GATA4: variants seen among roughly 807,000 people sequenced by gnomAD.
The protein encoded by GATA4 is GATA binding protein 4, also known as transcription factor GATA-4.
In GATA4, 7 loss-of-function variants were observed where a neutral mutation model predicts 37.9. That is an observed-to-expected ratio of 0.18 (90% confidence interval 0.11 to 0.35). The LOEUF (loss-of-function observed/expected upper bound fraction) is 0.35, where lower values mean the gene tolerates loss of function less well. Ranked by LOEUF, GATA4 falls within the 10% of genes least tolerant of loss-of-function variation. The pLI is 1.00. For synonymous variants in GATA4, 372 were observed against 292.6 expected (o/e 1.27, Z -2.77); for missense variants, 647 against 653.0 (o/e 0.99, Z 0.10).
At chr8:11,680,602 C>T in intron 1 of GATA4, 1 of 985,322 alleles carries the variant, frequency 1.0e-6, no homozygotes. Flanking sequence ...CGGGTCCGAG[C>T]GGCGGTCGGT....
Position 11,742,785 on chromosome 8 carries a change from C to T in GATA4, c.617-6131C>T, listed in dbSNP as rs188734845. 2.7e-3 allele frequency among the ~76,000 whole-genome samples: 416 copies of T among 152,358 alleles called. 9 individuals are homozygous for T. Among genetic ancestry groups the T allele is most frequent in the Non-Finnish European group, 5.7e-4 (39 of 68,032 alleles). Reference sequence around the variant, plus strand: ...TTGGGCCTCGTGCCCCACACCCAGGCGCCAGCCGCAGGGACAGATCCGGGC... The same window carrying T: ...TTGGGCCTCGTGCCCCACACCCAGGTGCCAGCCGCAGGGACAGATCCGGGC... On this transcript the variant is annotated intron_variant, in intron 2 of 6. Transcript: ENST00000532059.
intron 1 of GATA4, chr8:11,697,570 T>A (rs942432249): frequency 7.2e-5 from 71 of 985,166 alleles, no homozygotes; most frequent in Non-Finnish European, 8.4e-5. Context: ...CAGGGAAGCC[T>A]GGTCTGTCTG....
intron 1 of GATA4, chr8:11,692,774 G>T (rs1302359130): frequency 1.0e-6 from 1 of 982,560 alleles, no homozygotes; most frequent in Non-Finnish European, 1.2e-6. Flanking sequence ...GGCGGGAAGC[G>T]AGGCTGCCGA....
rs577041742 is a variant in GATA4, at chr8:11,707,309, T to C, written c.-457-547T>C. 3.5e-4 allele frequency among the ~76,000 whole-genome samples: 51 copies of C among 145,968 alleles called. No individual in the cohort carries two copies. The highest frequency in any genetic ancestry group is 7.0e-4 in the Non-Finnish European group (47 of 67,476). On this transcript the variant is annotated intron_variant, in intron 1 of 6. Coordinates refer to ENST00000532059, the MANE Select transcript of GATA4 (RefSeq NM_001308093.3). The surrounding 1 kb of genome is among the most constrained non-coding windows in gnomAD (Gnocchi z 4.7). Reference sequence around the variant, plus strand: ...TGTTCACTTATAAACATTTGGACTCTACTTCTGGTTTTTTTTTTTTTTAAT... The same window carrying C: ...TGTTCACTTATAAACATTTGGACTCCACTTCTGGTTTTTTTTTTTTTTAAT...
Position 11,749,186 on chromosome 8 carries a change from A to T in GATA4, c.786+101A>T. ...TGAATTTTGGAACTTGAGGGTGTGC[A>T]TCGGGGATTACGTGGGTGAGAGCCC... On this transcript the variant is annotated intron_variant, in intron 3 of 6. Transcript: ENST00000532059. This position sits in a 1 kb window ranked among gnomAD's most constrained non-coding sequence, Gnocchi z 4.6. The T allele has an allele frequency of 8.4e-7, 1 of 1,190,420 alleles. No individual in the cohort carries two copies. The highest frequency in any genetic ancestry group is 1.3e-5 in the South Asian group (1 of 77,864). 73.7% of individuals were successfully genotyped at this position (1,190,420 alleles called of 1,614,324 possible).
chr8:11,755,883 T>A (rs56700770), intron 5 of GATA4, among the ~76,000 whole-genome samples: 6,022 of 149,892 alleles, frequency 0.04, 271 homozygotes, highest in East Asian at 0.15. Flanking sequence ...CACTTCAGCC[T>A]GGAGAGCAGA....
Position 11,757,080 on chromosome 8 carries a change from C to A in GATA4, c.1146C>A (p.Ser382=), listed in dbSNP as rs1802619689. Residue 382 remains serine (S), a synonymous_variant, in exon 6 of 7, where the codon TCC becomes TCA. Transcript: ENST00000532059. ...SSHYGHSSSV[S]QTFSVSAMSG... Reference sequence around the variant, plus strand: ...ACTACGGGCACAGCAGCTCCGTGTCCCAGGTACGCGCCATGGCTGGGGCGC... The same window carrying A: ...ACTACGGGCACAGCAGCTCCGTGTCACAGGTACGCGCCATGGCTGGGGCGC... 3 of 1,613,972 alleles carry A rather than the reference C, an allele frequency of 1.9e-6. No individual in the cohort carries two copies. The highest frequency in any genetic ancestry group is 2.5e-6 in the Non-Finnish European group (3 of 1,179,878).
At chr8:11,728,393 G>C (rs796682805) in intron 2 of GATA4, among the ~76,000 whole-genome samples, 13 of 152,158 alleles carry the variant, frequency 8.5e-5, no homozygotes, top group East Asian at 3.9e-4. Context: ...TTTTGAAACA[G>C]GGTTTTGCTC....
intron 1 of GATA4, among the ~76,000 whole-genome samples, chr8:11,696,221 G>A (rs530543990): frequency 6.6e-6 from 1 of 152,262 alleles, no homozygotes; most frequent in Admixed American, 6.5e-5. Flanking sequence ...ACCATCACAA[G>A]ATATGAGAAT....
At chr8:11,695,103 C>T (rs1799465370) in intron 1 of GATA4, among the ~76,000 whole-genome samples, 1 of 152,208 alleles carries the variant, frequency 6.6e-6, no homozygotes. Context: ...TGGAAATTGA[C>T]TTAAGAATGA....
upstream of GATA4, among the ~76,000 whole-genome samples, chr8:11,699,795 T>C (rs946835853): frequency 1.0e-4 from 16 of 152,382 alleles, no homozygotes; most frequent in African/African-American, 3.4e-4. Context: ...TCCTTTCCAC[T>C]TTTTTCCCTC....
chr8:11,709,354 C>T lies in GATA4; in HGVS notation c.616+426C>T, dbSNP rs962146863. On this transcript the variant is annotated intron_variant, in intron 2 of 6. Coordinates refer to ENST00000532059, the MANE Select transcript of GATA4 (RefSeq NM_001308093.3). This position sits in a 1 kb window ranked among gnomAD's most constrained non-coding sequence, Gnocchi z 4.3. ...TCCTCCCCGCCCGCCCTCGGGCCTC[C>T]GCAGGGAACTGATTACAATGGTTTG... 6.6e-6 allele frequency among the ~76,000 whole-genome samples: 1 copy of T among 152,214 alleles called. No homozygotes were observed. The highest frequency in any genetic ancestry group is 1.5e-5 in the Non-Finnish European group (1 of 68,042).
chr8:11,697,601 G>GCCA, intron 1 of GATA4: 1 of 985,430 alleles, frequency 1.0e-6, no homozygotes, highest in Middle Eastern at 5.2e-4. Context: ...CGCCTGCGCC[G>GCCA]AGGATGGCCG....
At chr8:11,682,781 G>T (rs531830323) in intron 1 of GATA4, among the ~76,000 whole-genome samples, 63 of 152,280 alleles carry the variant, frequency 4.1e-4, no homozygotes, top group Non-Finnish European at 8.5e-4. Context: ...AGTAGTCCCC[G>T]TTTGTGCAAA....
intron 5 of GATA4, chr8:11,756,723 A>C (rs943991772): frequency 1.6e-6 from 1 of 628,184 alleles, no homozygotes. Flanking sequence ...GAAGCCTGAA[A>C]CACACGTGGC....
chr8:11,696,500 C>T (rs1013952472), intron 1 of GATA4, among the ~76,000 whole-genome samples: 2 of 151,996 alleles, frequency 1.3e-5, no homozygotes, highest in Non-Finnish European at 2.9e-5. Flanking sequence ...CTCAGTTTAC[C>T]TATTCCCCTG....
In GATA4 at chr8:11,708,022, G is replaced by A. The variant is rs987075941; in HGVS notation, c.-291G>A. The stretch of plus-strand genomic sequence containing the variant: ...GTCTTCTGCCCCCAATAGGTGCGCC[G>A]GACCTTCAGGCCCTGGGGTGAATTC... On this transcript the variant is annotated 5_prime_UTR_variant, in exon 2 of 7. Transcript: ENST00000532059. The surrounding 1 kb of genome is among the most constrained non-coding windows in gnomAD (Gnocchi z 6.7). 4.4e-6 allele frequency: 2 copies of A among 458,056 alleles called. No individual in the cohort carries two copies. The highest frequency in any genetic ancestry group is 4.1e-6 in the Non-Finnish European group (1 of 246,684). The allele number at this position is 458,056 out of a possible 1,614,324, so 28.4% of individuals were successfully genotyped here.
At position 11,708,394 on chromosome 8, in the gene GATA4, C is replaced by G. The variant is rs1406275331; in HGVS notation, c.82C>G (p.His28Asp). 2 of 1,545,488 alleles carry G rather than the reference C, an allele frequency of 1.3e-6. No homozygotes were observed. Among genetic ancestry groups the G allele is most frequent in the Non-Finnish European group, 1.7e-6 (2 of 1,152,472 alleles). ...YEAGGPGAFMHGAGAASSPVY... is the reference protein window; with the variant it reads ...YEAGGPGAFMDGAGAASSPVY... ...GGCGGGCGGCCCCGGCGCCTTCATGCACGGCGCGGGCGCCGCGTCCTCGCC... is the reference window on the plus strand; with the variant it reads ...GGCGGGCGGCCCCGGCGCCTTCATGGACGGCGCGGGCGCCGCGTCCTCGCC... The change falls in exon 2 of 7, where the codon CAC (histidine) becomes GAC (aspartate). Residue 28 changes from histidine (H) to aspartate (D), a missense_variant. By Grantham distance (81) the His-to-Asp change is moderately conservative (BLOSUM62 -1). Coordinates refer to ENST00000532059, the MANE Select transcript of GATA4 (RefSeq NM_001308093.3). The surrounding 1 kb of genome is among the most constrained non-coding windows in gnomAD (Gnocchi z 6.7).
At chr8:11,752,798 C>G (rs567839831) in intron 4 of GATA4, among the ~76,000 whole-genome samples, 2 of 152,046 alleles carry the variant, frequency 1.3e-5, no homozygotes, top group Non-Finnish European at 2.9e-5. Flanking sequence ...TTATAATGAA[C>G]AAGCAAATGG....
Sources: allele counts gnomAD v4.1 joint callset (sites outside exome capture counted in the v4.1 genomes callset), GRCh38; gene constraint gnomAD v4.1.1; non-coding constraint Gnocchi (gnomAD v3.1); transcripts MANE v1.5; gene names NCBI Gene and HGNC (gene_info 2026-07-23, HGNC 2026-07-21).